Variants in KHDRBS2 observed in about 807,000 individuals in gnomAD.
KHDRBS2 encodes the protein KH RNA binding domain containing, signal transduction associated 2.
In KHDRBS2, 26 loss-of-function variants were observed where a neutral mutation model predicts 44.3. The ratio of observed to expected loss-of-function variants is 0.59; its 90% CI spans 0.43 to 0.81. The LOEUF is 0.81. Ranked by LOEUF, KHDRBS2 falls within the 40% of genes least tolerant of loss-of-function variation. The probability of loss-of-function intolerance (pLI) is 0.00; values close to 1 mark genes in which losing one functional copy is unlikely to be tolerated. For synonymous variants in KHDRBS2, 194 were observed against 151.1 expected, an observed-to-expected ratio of 1.28 and a Z score of -2.08; for missense variants, 476 against 433.1, an observed-to-expected ratio of 1.10 and a Z score of -0.88.
intron 4 of KHDRBS2, among the ~76,000 whole-genome samples, chr6:61,946,979 C>T (rs551950472): frequency 2.0e-5 from 3 of 152,054 alleles, no homozygotes; most frequent in South Asian, 2.1e-4. Context: ...GGATCTTGGG[C>T]GGGCAAATGG....
chr6:61,817,906 C>T (rs1441414504), intron 6 of KHDRBS2, among the ~76,000 whole-genome samples: 3 of 152,008 alleles, frequency 2.0e-5, no homozygotes, highest in Admixed American at 6.6e-5. Context: ...GCCAGACTTT[C>T]TGTAATTAGA....
the KHDRBS2 span, among the ~76,000 whole-genome samples, chr6:61,593,909 A>G: frequency 6.6e-6 from 1 of 152,170 alleles, no homozygotes; most frequent in African/African-American, 2.4e-5. Context: ...TTGGCTTTAT[A>G]AAGTCAAGCT....
the KHDRBS2 span, among the ~76,000 whole-genome samples, chr6:61,595,311 A>C: frequency 2.6e-5 from 4 of 152,146 alleles, no homozygotes; most frequent in Non-Finnish European, 2.9e-5. Flanking sequence ...AAGATTTAGA[A>C]ACAACCTAAG....
chr6:61,989,319 G>A (rs1320552801), intron 3 of KHDRBS2, among the ~76,000 whole-genome samples: 3 of 152,182 alleles, frequency 2.0e-5, no homozygotes, highest in Non-Finnish European at 4.4e-5. Context: ...AAGGATAGGA[G>A]CCTAACTTTG....
At chr6:61,955,094 A>T (rs1430720234) in intron 4 of KHDRBS2, among the ~76,000 whole-genome samples, 1 of 123,968 alleles carries the variant, frequency 8.1e-6, no homozygotes, top group Non-Finnish European at 1.8e-5. Flanking sequence ...ATGCATACAT[A>T]TATGTATATA....
intron 1 of KHDRBS2, among the ~76,000 whole-genome samples, chr6:62,179,937 C>A (rs1409566305): frequency 2.6e-5 from 4 of 151,736 alleles, no homozygotes; most frequent in Admixed American, 1.3e-4. Context: ...ACTAATAGAT[C>A]AATACTTGTA....
chr6:62,006,358 A>G (rs542212974), intron 3 of KHDRBS2, among the ~76,000 whole-genome samples: 46 of 152,222 alleles, frequency 3.0e-4, no homozygotes, highest in African/African-American at 1.0e-3. Context: ...AGAGCAAGAC[A>G]AACATTTTCA....
chr6:61,972,360 C>T (rs1401099570), intron 4 of KHDRBS2, among the ~76,000 whole-genome samples: 1 of 152,092 alleles, frequency 6.6e-6, no homozygotes, highest in African/African-American at 2.4e-5. Flanking sequence ...AGAAGAAATA[C>T]TCCATAGATG....
chr6:61,661,676 A>C, the KHDRBS2 span, among the ~76,000 whole-genome samples: 1 of 151,902 alleles, frequency 6.6e-6, no homozygotes, highest in African/African-American at 2.4e-5. Context: ...AATACCTACG[A>C]ATCCAACTTA....
chr6:61,638,339 C>T, the KHDRBS2 span, among the ~76,000 whole-genome samples: 1 of 151,942 alleles, frequency 6.6e-6, no homozygotes, highest in Non-Finnish European at 1.5e-5. Flanking sequence ...ACAGAGCCCT[C>T]AGAAATAATG....
At chr6:61,983,238 T>TC (rs1774312902) in intron 3 of KHDRBS2, among the ~76,000 whole-genome samples, 2 of 81,038 alleles carry the variant, frequency 2.5e-5, no homozygotes, top group African/African-American at 8.5e-5. Flanking sequence ...CTTTCTTTCT[T>TC]TTTTTTTTTT....
chr6:61,794,488 C>T (rs968214959), intron 6 of KHDRBS2, among the ~76,000 whole-genome samples: 6 of 152,100 alleles, frequency 3.9e-5, no homozygotes, highest in Non-Finnish European at 7.4e-5. Flanking sequence ...CAATTTTTAC[C>T]TAGTGCAAAA....
At chr6:61,554,279 A>C in the KHDRBS2 span, among the ~76,000 whole-genome samples, 3 of 152,036 alleles carry the variant, frequency 2.0e-5, no homozygotes, top group Non-Finnish European at 2.9e-5. Flanking sequence ...TTTTTTTAAA[A>C]TCTTTGTTGG....
intron 2 of KHDRBS2, among the ~76,000 whole-genome samples, chr6:62,080,431 A>T (rs1018398791): frequency 1.3e-5 from 2 of 152,140 alleles, no homozygotes; most frequent in Non-Finnish European, 2.9e-5. Flanking sequence ...TTTAGAAAAA[A>T]TGTAGCCCCT....
At chr6:62,110,506 G>A (rs1347548047) in intron 2 of KHDRBS2, among the ~76,000 whole-genome samples, 1 of 151,978 alleles carries the variant, frequency 6.6e-6, no homozygotes, top group East Asian at 1.9e-4. Context: ...ATACTATTCT[G>A]CAATAAAAAG....
chr6:61,608,857 G>A, the KHDRBS2 span, among the ~76,000 whole-genome samples: 72 of 152,246 alleles, frequency 4.7e-4, 2 homozygotes, highest in South Asian at 9.1e-3. Context: ...ATTTGGGTTG[G>A]TTCCAAGTCT....
At chr6:62,142,185 T>C (rs1455532607) in intron 2 of KHDRBS2, among the ~76,000 whole-genome samples, 2 of 152,048 alleles carry the variant, frequency 1.3e-5, no homozygotes, top group Admixed American at 1.3e-4. Context: ...TAACAGTGGG[T>C]AAACTGTAGT....
the KHDRBS2 span, among the ~76,000 whole-genome samples, chr6:61,581,555 CACAATAT>C: frequency 1.4e-5 from 2 of 145,256 alleles, no homozygotes; most frequent in East Asian, 4.0e-4. Flanking sequence ...ATATACAATA[CACAATAT>C]ACAACAATAT....
chr6:62,274,848 A>G (rs992350805), intron 1 of KHDRBS2, among the ~76,000 whole-genome samples: 9 of 152,138 alleles, frequency 5.9e-5, no homozygotes, highest in African/African-American at 2.2e-4. Flanking sequence ...AACACAAACA[A>G]TAAGAACCAA....
Sources: gnomAD v4.1 joint callset for allele counts (sites outside exome capture counted in the v4.1 genomes callset) on GRCh38, gnomAD v4.1.1 for gene constraint, MANE v1.5 for transcripts, NCBI Gene and HGNC (gene_info 2026-07-23, HGNC 2026-07-21) for gene names.